CASQ2: variants seen among roughly 807,000 people sequenced by gnomAD.
The protein encoded by CASQ2 is calsequestrin 2, also known as calsequestrin-2.
A neutral mutation model predicts 46.5 loss-of-function variants in CASQ2; 49 were observed. That is an observed-to-expected ratio of 1.05 (90% CI 0.84 to 1.34). CASQ2 has a LOEUF of 1.34. Among genes scored for constraint, CASQ2 ranks in the 40% most tolerant of loss-of-function variants. The probability of loss-of-function intolerance (pLI) is 0.00; values close to 1 mark genes in which losing one functional copy is unlikely to be tolerated. For synonymous variants in CASQ2, 174 were observed against 168.5 expected (o/e 1.03, Z -0.25); for missense variants, 486 against 481.3 (o/e 1.01, Z -0.09).
chr1:115,755,739 G>A (rs956270560), intron 1 of CASQ2, among the ~76,000 whole-genome samples: 7 of 152,192 alleles, frequency 4.6e-5, no homozygotes, highest in East Asian at 1.9e-4. Flanking sequence ...AGCACCAAGC[G>A]TGTGCCCATC....
intron 4 of CASQ2, among the ~76,000 whole-genome samples, chr1:115,735,595 T>G (rs1022755229): frequency 3.3e-5 from 5 of 152,246 alleles, no homozygotes; most frequent in African/African-American, 9.6e-5. Context: ...TATTAAATTT[T>G]AAGAATGATT....
At chr1:115,728,969 A>T (rs1174929858) in intron 5 of CASQ2, among the ~76,000 whole-genome samples, 2 of 148,226 alleles carry the variant, frequency 1.3e-5, no homozygotes, top group Non-Finnish European at 3.0e-5. Flanking sequence ...GGATCTCTTC[A>T]CTGTCTACCT....
chr1:115,729,035 CTTTTTTTTTTTTTTTT>C (rs753965730), intron 5 of CASQ2, among the ~76,000 whole-genome samples: 1 of 68,834 alleles, frequency 1.5e-5, no homozygotes, highest in Non-Finnish European at 2.7e-5. Context: ...CTCTTTCATT[CTTTTTTTTTTTTTTTT>C]TTTTTTTTTT....
In CASQ2 at chr1:115,740,781, T is replaced by C. The variant is rs754139403; in HGVS notation, c.367A>G (p.Ile123Val). 3.1e-6 allele frequency: 5 copies of C among 1,613,672 alleles called. No individual in the cohort carries two copies. Among genetic ancestry groups the C allele is most frequent in the African/African-American group, 1.3e-5 (1 of 74,894 alleles). ...SLYILKGDRT[I>V]EFDGEFAADV... The stretch of plus-strand genomic sequence containing the variant: ...GCTGCAAACTCGCCATCAAACTCTA[T>C]TGTGCGATCACCCTTAAGAATATAC... The change falls in exon 3 of 11, where the codon ATA (isoleucine) becomes GTA (valine). Residue 123 changes from isoleucine (I) to valine (V), a missense_variant. Coordinates refer to ENST00000261448, the MANE Select transcript of CASQ2 (RefSeq NM_001232.4).
chr1:115,743,228 T>C (rs61798517), intron 2 of CASQ2, among the ~76,000 whole-genome samples: 32 of 125,102 alleles, frequency 2.6e-4, no homozygotes, highest in South Asian at 5.1e-4. Context: ...TTTATTTATT[T>C]ATTTATTCAT....
chr1:115,717,541 C>T (rs977816453), intron 8 of CASQ2, among the ~76,000 whole-genome samples: 3 of 152,162 alleles, frequency 2.0e-5, no homozygotes, highest in Admixed American at 6.5e-5. Flanking sequence ...GGCAGCCTTG[C>T]GATTATTAAA....
At chr1:115,761,869 A>T (rs560862417) in intron 1 of CASQ2, among the ~76,000 whole-genome samples, 1 of 152,160 alleles carries the variant, frequency 6.6e-6, no homozygotes, top group Non-Finnish European at 1.5e-5. Context: ...ATATTATTGG[A>T]AAGTAACCTA....
At chr1:115,708,733 C>T (rs1396204938) in intron 8 of CASQ2, among the ~76,000 whole-genome samples, 1 of 152,220 alleles carries the variant, frequency 6.6e-6, no homozygotes, top group Non-Finnish European at 1.5e-5. Flanking sequence ...CTGGCTGGAA[C>T]TCCCTAAGCC....
chr1:115,720,755 G>A (rs1253429994), intron 7 of CASQ2, among the ~76,000 whole-genome samples: 2 of 152,146 alleles, frequency 1.3e-5, no homozygotes, highest in African/African-American at 2.4e-5. Flanking sequence ...ATGCTGGGCT[G>A]GCGTTATATG....
rs1411162094 is a variant in CASQ2 at position 115,727,032 on chromosome 1, T to C, written c.697A>G (p.Thr233Ala). 1.2e-6 allele frequency: 2 copies of C among 1,606,918 alleles called. No individual in the cohort carries two copies. The highest frequency in any genetic ancestry group is 2.7e-5 in the African/African-American group (2 of 74,526). The change falls in exon 6 of 11, where the codon ACA becomes GCA. Residue 233 changes from threonine to alanine, a missense_variant. By Grantham distance (58) the Thr-to-Ala change is moderately conservative. Coordinates refer to ENST00000261448, the MANE Select transcript of CASQ2 (RefSeq NM_001232.4). ...ACAAACTCCACCAGCTCCTCTTCTGTGTAAGGTTTGTTGGGGATGGCAATG... is the reference window on the plus strand; with the variant it reads ...ACAAACTCCACCAGCTCCTCTTCTGCGTAAGGTTTGTTGGGGATGGCAATG... ...EPIAIPNKPYTEEELVEFVKE... is the reference protein window; with the variant it reads ...EPIAIPNKPYAEEELVEFVKE...
chr1:115,701,275 T>C lies in CASQ2; in HGVS notation c.1166A>G (p.Asp389Gly), dbSNP rs200530025. The C allele has an allele frequency of 1.2e-6, 2 of 1,603,650 alleles. No homozygotes were observed. The highest frequency in any genetic ancestry group is 1.1e-5 in the South Asian group (1 of 90,808). ...ATCATCGTCATCACTGTCATCATTA[T>C]CCTCTTCATCAGAATTATCATCATC... is the stretch of plus-strand genomic sequence containing the variant. ...DDDDDNSDEE[D>G]NDDSDDDDDE The change falls in exon 11 of 11, where the codon GAT becomes GGT. Residue 389 changes from aspartate to glycine, a missense_variant. Asp to Gly is a moderately conservative substitution (Grantham distance 94). Transcript: ENST00000261448.
chr1:115,753,610 G>A (rs937647779), intron 1 of CASQ2, among the ~76,000 whole-genome samples: 2 of 152,182 alleles, frequency 1.3e-5, no homozygotes, highest in Non-Finnish European at 2.9e-5. Context: ...GCCCTGTGCT[G>A]CGTGACTGCC....
intron 1 of CASQ2, among the ~76,000 whole-genome samples, chr1:115,757,018 A>G (rs964328698): frequency 1.3e-5 from 2 of 152,134 alleles, no homozygotes; most frequent in Non-Finnish European, 2.9e-5. Flanking sequence ...AATGTTATGA[A>G]TAGGTGTCCT....
chr1:115,708,079 G>A (rs370136156), intron 8 of CASQ2, among the ~76,000 whole-genome samples: 1 of 152,136 alleles, frequency 6.6e-6, no homozygotes, highest in Non-Finnish European at 1.5e-5. Context: ...TACCTACTAC[G>A]TTCCTATTTG....
rs759490509 is a variant in CASQ2, at chr1:115,732,858, A to C, written c.606+43T>G. On this transcript the variant is annotated intron_variant, in intron 5 of 10. Transcript: ENST00000261448. Reference sequence around the variant, plus strand: ...GTGAGAGTTCAAACTTTAATTCTTCATGCCTACAAAACTGTTCAAATTGGG... The same window carrying C: ...GTGAGAGTTCAAACTTTAATTCTTCCTGCCTACAAAACTGTTCAAATTGGG... The C allele has an allele frequency of 2.9e-6, 4 of 1,358,476 alleles. No homozygotes were observed. The East Asian group carries it at 6.9e-5, about 23-fold the overall frequency. The allele number at this position is 1,358,476 out of a possible 1,614,324, so 84.2% of individuals were successfully genotyped here. A position where few individuals can be genotyped will look rare whatever the true frequency, so the allele number is the denominator to read the frequency against.
At chr1:115,704,466 T>C (rs1654301349) in intron 9 of CASQ2, among the ~76,000 whole-genome samples, 1 of 152,220 alleles carries the variant, frequency 6.6e-6, no homozygotes, top group Admixed American at 6.5e-5. Context: ...GAGGATTCGC[T>C]GTGATGAGGC....
In CASQ2 at chr1:115,720,799, C is replaced by G. The variant is rs115941932; in HGVS notation, c.784-2905G>C. 4.0e-3 allele frequency among the ~76,000 whole-genome samples: 605 copies of G among 152,234 alleles called. 2 individuals are homozygous for G. Among genetic ancestry groups the G allele is most frequent in the African/African-American group, 0.014 (589 of 41,536 alleles). On this transcript the variant is annotated intron_variant, in intron 7 of 10. Coordinates refer to ENST00000261448, the MANE Select transcript of CASQ2 (RefSeq NM_001232.4). ...CTGTTTCGTCTACTTAATCTGAGCT[C>G]TTAAGGACAGGACAGCAATGTTAGC...
intron 8 of CASQ2, among the ~76,000 whole-genome samples, chr1:115,706,210 G>A (rs377727421): frequency 6.6e-5 from 10 of 152,014 alleles, no homozygotes; most frequent in Non-Finnish European, 1.0e-4. Context: ...GTGTGTGCAC[G>A]CGTGCATGTG....
rs539936728 is a variant in CASQ2, at chr1:115,707,530, T to G, written c.839-2238A>C. Among the ~76,000 whole-genome samples, 165 of 152,318 alleles carry G rather than the reference T, an allele frequency of 1.1e-3. 11 individuals are homozygous for G. Among genetic ancestry groups the G allele is most frequent in the South Asian group, 1.7e-3 (8 of 4,828 alleles). On this transcript the variant is annotated intron_variant, in intron 8 of 10. Coordinates refer to ENST00000261448, the MANE Select transcript of CASQ2 (RefSeq NM_001232.4). ...GGGTAGGGGCATTACTCCTGCTGCC[T>G]GTAGGTGGAACTGAGAAGGTCCTGC...
Sources: allele counts gnomAD v4.1 joint callset (sites outside exome capture counted in the v4.1 genomes callset), GRCh38; gene constraint gnomAD v4.1.1; transcripts MANE v1.5; gene names NCBI Gene and HGNC (gene_info 2026-07-23, HGNC 2026-07-21).